Variants in EYS observed in about 807,000 individuals in gnomAD.
The protein encoded by EYS is EGF-like photoreceptor maintenance factor.
In EYS, 250 loss-of-function variants were observed where a neutral mutation model predicts 282.1. That is an observed-to-expected ratio of 0.89 (90% CI 0.80 to 0.98). The LOEUF (loss-of-function observed/expected upper bound fraction) is 0.98. EYS is among the 50% of genes least tolerant of loss of function. The pLI, the probability that EYS is intolerant of heterozygous loss-of-function variation, is 0.00. For missense variants in EYS, 4,016 were observed against 3,709.0 expected, an observed-to-expected ratio of 1.08 and a Z score of -2.15; for synonymous variants, 1,355 against 1,282.9, an observed-to-expected ratio of 1.06 and a Z score of -1.20.
intron 2 of EYS, among the ~76,000 whole-genome samples, chr6:65,601,647 G>T (rs1050508932): frequency 1.1e-4 from 16 of 151,862 alleles, no homozygotes; most frequent in African/African-American, 3.9e-4. Context: ...AGCTCAAAAT[G>T]AATTTCTCCA....
At chr6:65,413,057 C>G (rs548950644) in intron 5 of EYS, among the ~76,000 whole-genome samples, 1 of 151,998 alleles carries the variant, frequency 6.6e-6, no homozygotes. Context: ...CCCAGAATCC[C>G]TGAATAAAAA....
At chr6:64,446,359 A>G (rs1775117182) in intron 26 of EYS, among the ~76,000 whole-genome samples, 1 of 152,168 alleles carries the variant, frequency 6.6e-6, no homozygotes, top group Admixed American at 6.5e-5. Context: ...TAGAAATATA[A>G]TAGAATACAT....
chr6:64,686,870 T>C lies in EYS; in HGVS notation c.3444-60625A>G, dbSNP rs535530599. On this transcript the variant is annotated intron_variant, in intron 22 of 42. Coordinates refer to ENST00000503581, the MANE Select transcript of EYS (RefSeq NM_001142800.2). Reference sequence around the variant, plus strand: ...ATATATATATGTGTATATATATACGTGTATATATATATACACACACATATA... The same window carrying C: ...ATATATATATGTGTATATATATACGCGTATATATATATACACACACATATA... Among the ~76,000 whole-genome samples the C allele has an allele frequency of 8.7e-5, 10 of 114,894 alleles. 3 individuals carry two copies. Among genetic ancestry groups the C allele is most frequent in the East Asian group, 4.4e-4 (2 of 4,584 alleles). The allele number at this position is 114,894 out of a possible 152,430, so 75.4% of individuals were successfully genotyped here. A position where few individuals can be genotyped will look rare whatever the true frequency, so the allele number is the denominator to read the frequency against.
intron 33 of EYS, among the ~76,000 whole-genome samples, chr6:64,009,545 A>C: frequency 6.6e-6 from 1 of 152,000 alleles, no homozygotes; most frequent in Non-Finnish European, 1.5e-5. Context: ...CGGCCTCCGA[A>C]AGTGCTGGGA....
At chr6:65,279,557 C>CT (rs1287240697) in intron 12 of EYS, among the ~76,000 whole-genome samples, 1 of 151,886 alleles carries the variant, frequency 6.6e-6, no homozygotes, top group Non-Finnish European at 1.5e-5. Flanking sequence ...GTGTTTTCTT[C>CT]TTTTTTTTCC....
At chr6:63,955,805 A>C (rs1035642103) in intron 35 of EYS, among the ~76,000 whole-genome samples, 2 of 152,136 alleles carry the variant, frequency 1.3e-5, no homozygotes, top group Non-Finnish European at 2.9e-5. Context: ...CTCTAATAGG[A>C]TGTCCTGGGT....
chr6:65,434,486 A>G (rs1336340642), intron 5 of EYS, among the ~76,000 whole-genome samples: 1 of 151,884 alleles, frequency 6.6e-6, no homozygotes, highest in Non-Finnish European at 1.5e-5. Flanking sequence ...ACGCCCAGCT[A>G]AATTTTTGTA....
intron 12 of EYS, among the ~76,000 whole-genome samples, chr6:65,193,966 G>T (rs569289224): frequency 3.9e-5 from 6 of 151,972 alleles, no homozygotes; most frequent in African/African-American, 1.4e-4. Flanking sequence ...TTAAAGGTTG[G>T]TTTGGGGAAA....
chr6:65,220,087 A>G (rs1340770802), intron 12 of EYS, among the ~76,000 whole-genome samples: 1 of 152,172 alleles, frequency 6.6e-6, no homozygotes, highest in Non-Finnish European at 1.5e-5. Context: ...ATAATCCTAT[A>G]GCCTTGGGAA....
chr6:65,670,242 T>C (rs1347475018), intron 1 of EYS, among the ~76,000 whole-genome samples: 1 of 152,056 alleles, frequency 6.6e-6, no homozygotes, highest in Non-Finnish European at 1.5e-5. Context: ...TTCCTTGTAA[T>C]ATAAACACTC....
At chr6:65,225,254 A>G (rs1766589907) in intron 12 of EYS, among the ~76,000 whole-genome samples, 1 of 150,192 alleles carries the variant, frequency 6.7e-6, no homozygotes, top group South Asian at 2.1e-4. Flanking sequence ...CAAGAAAACT[A>G]AAAACTAATT....
intron 22 of EYS, among the ~76,000 whole-genome samples, chr6:64,797,348 G>A (rs992152817): frequency 5.3e-5 from 8 of 151,968 alleles, no homozygotes; most frequent in African/African-American, 1.2e-4. Context: ...TTCCCAGTTC[G>A]GAGATGTGAG....
intron 29 of EYS, among the ~76,000 whole-genome samples, chr6:64,358,365 A>T (rs1204747238): frequency 6.6e-6 from 1 of 151,618 alleles, no homozygotes; most frequent in Non-Finnish European, 1.5e-5. Flanking sequence ...TATAGTGTTG[A>T]ATTGCACATA....
chr6:64,710,923 T>C (rs986445937), intron 22 of EYS, among the ~76,000 whole-genome samples: 1 of 152,234 alleles, frequency 6.6e-6, no homozygotes, highest in Non-Finnish European at 1.5e-5. Context: ...TGAAATGATA[T>C]ATGATATAGG....
chr6:65,628,686 A>G (rs62407730), intron 2 of EYS, among the ~76,000 whole-genome samples: 29,280 of 151,844 alleles, frequency 0.19, 3,034 homozygotes, highest in African/African-American at 0.26. Context: ...GAAGGTCTGC[A>G]GCTTCACTCC....
chr6:65,450,233 T>C (rs1252777448), intron 5 of EYS, among the ~76,000 whole-genome samples: 1 of 152,150 alleles, frequency 6.6e-6, no homozygotes, highest in African/African-American at 2.4e-5. Flanking sequence ...ATCACAGATT[T>C]TATAGCATTT....
intron 18 of EYS, among the ~76,000 whole-genome samples, chr6:64,888,000 G>A (rs939248736): frequency 6.6e-6 from 1 of 152,012 alleles, no homozygotes. Flanking sequence ...TTACAATAAT[G>A]TCCTCCAGGA....
intron 41 of EYS, among the ~76,000 whole-genome samples, chr6:63,757,766 T>C (rs1349170151): frequency 6.6e-6 from 1 of 152,208 alleles, no homozygotes; most frequent in East Asian, 1.9e-4. Context: ...TGGGTTCCCC[T>C]GATAAGGGAG....
At chr6:65,174,561 A>T (rs1012163790) in intron 12 of EYS, among the ~76,000 whole-genome samples, 1 of 151,284 alleles carries the variant, frequency 6.6e-6, no homozygotes, top group African/African-American at 2.4e-5. Context: ...TAGTTGGAAA[A>T]AGTTTGTGAA....
Sources: gnomAD v4.1 joint callset for allele counts (sites outside exome capture counted in the v4.1 genomes callset) on GRCh38, gnomAD v4.1.1 for gene constraint, MANE v1.5 for transcripts, NCBI Gene and HGNC (gene_info 2026-07-23, HGNC 2026-07-21) for gene names.